Variants in AKAP6 observed in about 807,000 individuals in gnomAD.
The protein encoded by AKAP6 is A-kinase anchor protein 6.
In AKAP6, 58 loss-of-function variants were observed where a neutral mutation model predicts 188.5. The observed-to-expected ratio is 0.31, with a 90% confidence interval of 0.25 to 0.38. The LOEUF (loss-of-function observed/expected upper bound fraction) is 0.38, where lower values mean the gene tolerates loss of function less well. AKAP6 is among the 10% of genes least tolerant of loss of function. The probability of loss-of-function intolerance (pLI) is 1.00; values close to 1 mark genes in which losing one functional copy is unlikely to be tolerated. For synonymous variants in AKAP6, 989 were observed against 998.6 expected (o/e 0.99, Z 0.18); for missense variants, 2,710 against 2,740.0 (o/e 0.99, Z 0.24).
chr14:32,501,197 C>T (rs1295576470), intron 2 of AKAP6, among the ~76,000 whole-genome samples: 3 of 152,242 alleles, frequency 2.0e-5, no homozygotes, highest in African/African-American at 7.2e-5. Context: ...ATTGTTTTAA[C>T]ATGTAATTAA....
intron 12 of AKAP6, among the ~76,000 whole-genome samples, chr14:32,787,030 C>T (rs562393628): frequency 2.0e-5 from 3 of 152,110 alleles, no homozygotes; most frequent in African/African-American, 7.2e-5. Context: ...AATAAGGCCA[C>T]GATAAATGGG....
chr14:32,511,607 C>T (rs906666587), intron 2 of AKAP6, among the ~76,000 whole-genome samples: 2 of 152,088 alleles, frequency 1.3e-5, no homozygotes, highest in Non-Finnish European at 2.9e-5. Context: ...GAACTCCTGA[C>T]CTCAGGTGAC....
At chr14:32,745,481 CTCTCTCTCTCTCTCTG>C (rs1340438131) in intron 11 of AKAP6, among the ~76,000 whole-genome samples, 2 of 140,508 alleles carry the variant, frequency 1.4e-5, no homozygotes, top group Non-Finnish European at 1.5e-5. Context: ...CTCTCTCTCT[CTCTCTCTCTCTCTCTG>C]TCTCTCTCTC....
At chr14:32,350,319 G>A (rs938272664) in intron 1 of AKAP6, among the ~76,000 whole-genome samples, 4 of 152,080 alleles carry the variant, frequency 2.6e-5, no homozygotes, top group Admixed American at 6.6e-5. Context: ...TCACCTCCAT[G>A]GTATTCTTCT....
intron 7 of AKAP6, among the ~76,000 whole-genome samples, chr14:32,612,184 A>G (rs1180088461): frequency 6.6e-6 from 1 of 152,206 alleles, no homozygotes; most frequent in Non-Finnish European, 1.5e-5. Context: ...AATCTCACAC[A>G]GCCTTGTAAA....
intron 2 of AKAP6, among the ~76,000 whole-genome samples, chr14:32,534,580 T>G (rs1882579543): frequency 6.6e-6 from 1 of 152,220 alleles, no homozygotes; most frequent in African/African-American, 2.4e-5. Flanking sequence ...AACAAAATTG[T>G]ATTTTGTCTT....
In AKAP6 at chr14:32,523,472, C is replaced by CTTTT. The variant is rs553132622; in HGVS notation, c.325-12071_325-12068dup. On this transcript the variant is annotated intron_variant, in intron 2 of 13. Transcript: ENST00000280979. ...CAAAGTTGAATACCTCTCTCTCTCT[C>CTTTT]TTTTTTTTTTTTTTGAGACGGGGTC... is the stretch of plus-strand genomic sequence containing the variant. Among the ~76,000 whole-genome samples, 280 of 142,816 alleles carry CTTTT rather than the reference C, an allele frequency of 2.0e-3. 1 individual carries two copies. Among genetic ancestry groups the CTTTT allele is most frequent in the African/African-American group, 6.8e-3 (265 of 38,884 alleles). The allele number at this position is 142,816 out of a possible 152,430, so 93.7% of individuals were successfully genotyped here.
chr14:32,491,505 T>G (rs1266782742), intron 2 of AKAP6, among the ~76,000 whole-genome samples: 1 of 152,206 alleles, frequency 6.6e-6, no homozygotes, highest in Non-Finnish European at 1.5e-5. Flanking sequence ...ATATGTTATG[T>G]GGCTGTCCTC....
intron 11 of AKAP6, among the ~76,000 whole-genome samples, chr14:32,767,830 A>G (rs1335940712): frequency 1.3e-5 from 2 of 152,138 alleles, no homozygotes; most frequent in Non-Finnish European, 2.9e-5. Flanking sequence ...ATATATATCA[A>G]TCACACCTTA....
rs1034037478 is a variant in AKAP6, at chr14:32,453,722, G to A, written c.324+19905G>A. Among the ~76,000 whole-genome samples the A allele has an allele frequency of 3.8e-4, 57 of 148,916 alleles. No individual in the cohort carries two copies. The South Asian group carries it at 0.011, about 29-fold the overall frequency. ...CGCCATTCTCCTGCCTCAGCCTCCC[G>A]AGTAGCTGGGACTACAGGCGCCCGC... is the stretch of plus-strand genomic sequence containing the variant. On this transcript the variant is annotated intron_variant, in intron 2 of 13. Transcript: ENST00000280979.
intron 7 of AKAP6, among the ~76,000 whole-genome samples, chr14:32,670,430 A>G (rs758483494): frequency 7.2e-5 from 11 of 152,152 alleles, no homozygotes; most frequent in Admixed American, 5.9e-4. Context: ...ACTAGTTGCT[A>G]AAGGGGATAC....
chr14:32,647,319 G>A (rs1450249455), intron 7 of AKAP6, among the ~76,000 whole-genome samples: 1 of 152,110 alleles, frequency 6.6e-6, no homozygotes, highest in Non-Finnish European at 1.5e-5. Flanking sequence ...ATCTGCAGAT[G>A]CCAGTGCTTT....
chr14:32,385,568 C>G (rs1220680838), intron 1 of AKAP6, among the ~76,000 whole-genome samples: 1 of 151,734 alleles, frequency 6.6e-6, no homozygotes, highest in African/African-American at 2.4e-5. Flanking sequence ...CCTTCCCACC[C>G]TTTCCCCCGA....
intron 11 of AKAP6, among the ~76,000 whole-genome samples, chr14:32,737,863 C>T (rs566178862): frequency 2.6e-5 from 4 of 152,272 alleles, no homozygotes; most frequent in South Asian, 2.1e-4. Context: ...AACTGCGTTT[C>T]CTTCTAATAG....
At chr14:32,406,793 T>C (rs1428934798) in intron 1 of AKAP6, among the ~76,000 whole-genome samples, 2 of 152,142 alleles carry the variant, frequency 1.3e-5, no homozygotes, top group African/African-American at 4.8e-5. Flanking sequence ...ATTGAGAACT[T>C]TCCAAGTCAT....
At chr14:32,620,704 T>C (rs914327471) in intron 7 of AKAP6, among the ~76,000 whole-genome samples, 9 of 152,106 alleles carry the variant, frequency 5.9e-5, no homozygotes, top group African/African-American at 2.2e-4. Flanking sequence ...GGATTCCTTC[T>C]TTCTCAATCT....
intron 1 of AKAP6, among the ~76,000 whole-genome samples, chr14:32,351,510 C>T (rs983015159): frequency 6.7e-6 from 1 of 148,828 alleles, no homozygotes; most frequent in Admixed American, 6.8e-5. Flanking sequence ...TGTAGTGAGT[C>T]GAGATTGCAC....
chr14:32,361,497 C>A (rs1161516505), intron 1 of AKAP6, among the ~76,000 whole-genome samples: 1 of 152,084 alleles, frequency 6.6e-6, no homozygotes, highest in South Asian at 2.1e-4. Flanking sequence ...TTACAAAGCA[C>A]AGTAAGTAGT....
intron 1 of AKAP6, among the ~76,000 whole-genome samples, chr14:32,330,855 T>C (rs1219378636): frequency 6.6e-6 from 1 of 151,712 alleles, no homozygotes; most frequent in African/African-American, 2.4e-5. Context: ...CTCAGTCCTT[T>C]AAGCTTATGT....
Sources: gnomAD v4.1 joint callset for allele counts (sites outside exome capture counted in the v4.1 genomes callset) on GRCh38, gnomAD v4.1.1 for gene constraint, MANE v1.5 for transcripts, NCBI Gene and HGNC (gene_info 2026-07-23, HGNC 2026-07-21) for gene names.